The following RIPOR3 variants were observed in gnomAD, a reference collection of about 807,000 sequenced individuals.
RIPOR3 encodes family with sequence similarity 65 member C.
Under a neutral mutation model 114.3 loss-of-function variants are expected in RIPOR3, and 95 were observed. The observed-to-expected ratio is 0.83, with a 90% CI of 0.70 to 0.99. The LOEUF is 0.99. Ranked by LOEUF, RIPOR3 falls within the 50% of genes least tolerant of loss-of-function variation. The pLI is 0.00. For synonymous variants in RIPOR3, 575 were observed against 543.8 expected (o/e 1.06, Z -0.80); for missense variants, 1,252 against 1,266.9 (o/e 0.99, Z 0.18).
intron 2 of RIPOR3, among the ~76,000 whole-genome samples, chr20:50,622,080 GC>G (rs1280205146): frequency 6.6e-6 from 1 of 152,134 alleles, no homozygotes; most frequent in Admixed American, 6.6e-5. Context: ...GCCCTCTAAA[GC>G]CATCAGCCAG....
At chr20:50,681,820 A>G (rs1197953120) in intron 1 of RIPOR3, among the ~76,000 whole-genome samples, 2 of 152,230 alleles carry the variant, frequency 1.3e-5, no homozygotes, top group African/African-American at 4.8e-5. Flanking sequence ...TCTGTAGCAC[A>G]GCTGCCAGGC....
intron 19 of RIPOR3, among the ~76,000 whole-genome samples, chr20:50,591,452 T>G (rs551939428): frequency 3.0e-4 from 46 of 152,168 alleles, no homozygotes; most frequent in African/African-American, 1.1e-3. Context: ...GGGTTATGGG[T>G]GCAGGTGGAT....
intron 15 of RIPOR3, 94 bp downstream of exon 15, chr20:50,596,046 C>G (rs1049240095): frequency 2.6e-6 from 4 of 1,559,136 alleles, no homozygotes; most frequent in Non-Finnish European, 3.5e-6. Flanking sequence ...TCTGTCACCC[C>G]TTCATGCTTC....
Position 50,593,570 on chromosome 20 carries a change from C to T in RIPOR3, c.2213-374G>A, listed in dbSNP as rs2083183670. On this transcript the variant is annotated intron_variant, in intron 17 of 21. Transcript: ENST00000327979. Reference sequence around the variant, plus strand: ...TGGGCAACCATGAGTGAAACCCCATCTCAAAAAAAAAAAGGGTTTCTGATG... The same window carrying T: ...TGGGCAACCATGAGTGAAACCCCATTTCAAAAAAAAAAAGGGTTTCTGATG... 2.0e-5 allele frequency among the ~76,000 whole-genome samples: 3 copies of T among 150,792 alleles called. No individual in the cohort carries two copies. In the South Asian group the frequency reaches 6.3e-4, roughly 31 times the overall value.
At position 50,597,618 on chromosome 20, in the gene RIPOR3, C is replaced by T. The variant is rs750383921; in HGVS notation, c.1752G>A (p.Leu584=). Residue 584 remains leucine, a synonymous_variant, in exon 14 of 22, where the codon CTG becomes CTA. Coordinates refer to ENST00000327979, the MANE Select transcript of RIPOR3 (RefSeq NM_001290268.2). ...SFAFLNADFA[L]DELSLFGGSQ... ...AGCCCCCAAACAGGGACAGCTCATCCAGGGCGAAGTCGGCATTGAGGAAGG... is the reference window on the plus strand; with the variant it reads ...AGCCCCCAAACAGGGACAGCTCATCTAGGGCGAAGTCGGCATTGAGGAAGG... 10 of 1,611,092 alleles carry T rather than the reference C, an allele frequency of 6.2e-6. No homozygotes were observed. Among genetic ancestry groups the T allele is most frequent in the African/African-American group, 1.3e-5 (1 of 74,866 alleles).
At chr20:50,666,664 G>A (rs1274302877) in intron 1 of RIPOR3, among the ~76,000 whole-genome samples, 5 of 151,284 alleles carry the variant, frequency 3.3e-5, no homozygotes, top group East Asian at 2.0e-4. Flanking sequence ...GGGTTCAAGC[G>A]ATTCTCCCTC....
chr20:50,634,601 G>A (rs1042019302), intron 1 of RIPOR3, among the ~76,000 whole-genome samples: 4 of 152,222 alleles, frequency 2.6e-5, no homozygotes, highest in East Asian at 3.8e-4. Context: ...ATGAAGGAAA[G>A]GTTGACGCTG....
At chr20:50,607,612 C>T (rs1187307118) in intron 11 of RIPOR3, among the ~76,000 whole-genome samples, 4 of 152,136 alleles carry the variant, frequency 2.6e-5, no homozygotes, top group Non-Finnish European at 4.4e-5. Context: ...CCACCCTGTA[C>T]ACTTCAGGGG....
Position 50,608,607 on chromosome 20 carries a change from C to T in RIPOR3, c.810+6G>A. The T allele has an allele frequency of 1.9e-6, 3 of 1,613,962 alleles. No homozygotes were observed. Among genetic ancestry groups the T allele is most frequent in the African/African-American group, 1.3e-5 (1 of 75,056 alleles). On this transcript the variant is annotated splice_donor_region_variant and intron_variant, in intron 10 of 21. Transcript: ENST00000327979. ...CCCCAGCCCTGCCCCCGGGCCCCATCCCCACCTTGATGTCCAGGTTCTCAT... is the reference window on the plus strand; with the variant it reads ...CCCCAGCCCTGCCCCCGGGCCCCATTCCCACCTTGATGTCCAGGTTCTCAT...
At chr20:50,597,513 CG>C in intron 14 of RIPOR3, 66 bp downstream of exon 14, 1 of 1,547,180 alleles carries the variant, frequency 6.5e-7, no homozygotes, top group Non-Finnish European at 8.7e-7. Flanking sequence ...TGGCAGGAAA[CG>C]TGGAGCTCGG....
intron 1 of RIPOR3, among the ~76,000 whole-genome samples, chr20:50,675,824 C>T (rs572185529): frequency 2.0e-5 from 3 of 152,214 alleles, no homozygotes; most frequent in Non-Finnish European, 2.9e-5. Flanking sequence ...AGCTGTCCAG[C>T]AAATGTCTGC....
intron 1 of RIPOR3, among the ~76,000 whole-genome samples, chr20:50,638,515 C>T (rs1475558094): frequency 6.6e-6 from 1 of 152,200 alleles, no homozygotes; most frequent in East Asian, 1.9e-4. Flanking sequence ...TGCCTCGTCA[C>T]CACTCCCACC....
At chr20:50,617,300 C>T (rs530817062) in intron 3 of RIPOR3, among the ~76,000 whole-genome samples, 16 of 152,192 alleles carry the variant, frequency 1.1e-4, no homozygotes, top group Non-Finnish European at 2.2e-4. Flanking sequence ...GACTGCTACT[C>T]ACTGAGGTAT....
chr20:50,661,237 A>C lies in RIPOR3; in HGVS notation c.3+29889T>G, dbSNP rs1320516696. ...TGGGCAACAGAACGAGACTGTCTTA[A>C]AAAATAAAAAAAAAAATTGTAGGGA... On this transcript the variant is annotated intron_variant, in intron 1 of 21. Coordinates refer to ENST00000327979, the MANE Select transcript of RIPOR3 (RefSeq NM_001290268.2). Among the ~76,000 whole-genome samples the C allele has an allele frequency of 2.7e-5, 4 of 149,250 alleles. No individual in the cohort carries two copies. The East Asian group carries it at 8.2e-4, about 31-fold the overall frequency.
chr20:50,621,397 TG>T (rs1568876933), intron 2 of RIPOR3, among the ~76,000 whole-genome samples: 1 of 152,174 alleles, frequency 6.6e-6, no homozygotes, highest in African/African-American at 2.4e-5. Context: ...ACTTGTGGTT[TG>T]GGGGAAAGGT....
intron 1 of RIPOR3, among the ~76,000 whole-genome samples, chr20:50,649,868 C>G (rs1049618435): frequency 3.9e-5 from 6 of 152,148 alleles, no homozygotes; most frequent in Non-Finnish European, 7.3e-5. Flanking sequence ...CGCCAAAAGC[C>G]CTGGCCTGGG....
intron 17 of RIPOR3, among the ~76,000 whole-genome samples, chr20:50,594,025 C>A (rs1180445179): frequency 6.6e-6 from 1 of 152,072 alleles, no homozygotes; most frequent in Non-Finnish European, 1.5e-5. Context: ...AATCCCAGCA[C>A]TTTGGGAGGC....
intron 1 of RIPOR3, among the ~76,000 whole-genome samples, chr20:50,636,044 A>G (rs2084974715): frequency 6.6e-6 from 1 of 152,234 alleles, no homozygotes; most frequent in Non-Finnish European, 1.5e-5. Flanking sequence ...GGGCCTGCGG[A>G]CCGCGACAGT....
chr20:50,596,629 A>G (rs1415106419), intron 14 of RIPOR3, among the ~76,000 whole-genome samples: 3 of 152,236 alleles, frequency 2.0e-5, no homozygotes, highest in Admixed American at 2.0e-4. Context: ...TGAGGGGTGC[A>G]TGAAATACGG....
Sources: allele counts gnomAD v4.1 joint callset (sites outside exome capture counted in the v4.1 genomes callset), GRCh38; gene constraint gnomAD v4.1.1; transcripts MANE v1.5; gene names NCBI Gene and HGNC (gene_info 2026-07-23, HGNC 2026-07-21).